MAPK4: variants seen among roughly 807,000 people sequenced by gnomAD.
The protein encoded by MAPK4 is Erk3-related.
In MAPK4, 22 loss-of-function variants were observed where a neutral mutation model predicts 47.7. That is an observed-to-expected ratio of 0.46 (90% CI 0.33 to 0.66). The LOEUF (loss-of-function observed/expected upper bound fraction) is 0.66, where lower values mean the gene tolerates loss of function less well. MAPK4 is among the 30% of genes least tolerant of loss of function. MAPK4 has a pLI of 0.02. For synonymous variants in MAPK4, 390 were observed against 365.7 expected (o/e 1.07, Z -0.76); for missense variants, 736 against 831.7 (o/e 0.88, Z 1.42).
At chr18:50,619,544 G>A (rs1376708333) in intron 1 of MAPK4, among the ~76,000 whole-genome samples, 2 of 151,788 alleles carry the variant, frequency 1.3e-5, no homozygotes, top group Non-Finnish European at 2.9e-5. Context: ...GCCCAGGCTG[G>A]TCTCAAACTC....
chr18:50,646,833 G>A (rs2042994150), intron 1 of MAPK4, among the ~76,000 whole-genome samples: 2 of 152,120 alleles, frequency 1.3e-5, no homozygotes, highest in Admixed American at 1.3e-4. Flanking sequence ...GTCATGGTAT[G>A]GACCCTTGCC....
chr18:50,707,175 A>G (rs1021353917), intron 2 of MAPK4, among the ~76,000 whole-genome samples: 3 of 152,184 alleles, frequency 2.0e-5, no homozygotes, highest in Admixed American at 6.5e-5. Flanking sequence ...CATCAAACCC[A>G]TACAGATAGA....
intron 1 of MAPK4, among the ~76,000 whole-genome samples, chr18:50,611,232 A>G (rs546037841): frequency 6.6e-6 from 1 of 152,360 alleles, no homozygotes; most frequent in Admixed American, 6.5e-5. Flanking sequence ...GTTTCTTACC[A>G]ACCTCCAATA....
chr18:50,598,393 C>A (rs17742008), intron 1 of MAPK4, among the ~76,000 whole-genome samples: 32,758 of 152,078 alleles, frequency 0.22, 3,520 homozygotes, highest in South Asian at 0.29. Context: ...CTTGTCCCTG[C>A]CTTTTCACAC....
intron 1 of MAPK4, among the ~76,000 whole-genome samples, chr18:50,646,987 G>A (rs1175528956): frequency 6.6e-6 from 1 of 152,166 alleles, no homozygotes; most frequent in Non-Finnish European, 1.5e-5. Context: ...GTGATCATCT[G>A]CAGTCACAAT....
chr18:50,676,731 C>T (rs1908294883), intron 2 of MAPK4, among the ~76,000 whole-genome samples: 1 of 152,118 alleles, frequency 6.6e-6, no homozygotes, highest in South Asian at 2.1e-4. Context: ...TATCATTCAT[C>T]CACTAAATAG....
At chr18:50,691,769 C>T (rs1254555523) in intron 2 of MAPK4, among the ~76,000 whole-genome samples, 6 of 152,158 alleles carry the variant, frequency 3.9e-5, no homozygotes, top group Admixed American at 2.0e-4. Context: ...CCCAGTGCAC[C>T]TTTGTCAAGG....
intron 2 of MAPK4, among the ~76,000 whole-genome samples, chr18:50,714,641 G>C (rs1910542345): frequency 1.3e-5 from 2 of 152,174 alleles, no homozygotes; most frequent in Admixed American, 1.3e-4. Flanking sequence ...TTGAGTTCAA[G>C]CATATGGCTA....
At chr18:50,623,786 A>G (rs1415912189) in intron 1 of MAPK4, among the ~76,000 whole-genome samples, 2 of 152,218 alleles carry the variant, frequency 1.3e-5, no homozygotes, top group East Asian at 3.9e-4. Context: ...AAAACCTCTT[A>G]CCGTTTTAAC....
intron 2 of MAPK4, among the ~76,000 whole-genome samples, chr18:50,692,330 A>G (rs1394678554): frequency 6.6e-6 from 1 of 152,182 alleles, no homozygotes; most frequent in Non-Finnish European, 1.5e-5. Context: ...CAAATGATGC[A>G]TATGAGATCT....
At chr18:50,612,938 C>T (rs1465410570) in intron 1 of MAPK4, among the ~76,000 whole-genome samples, 7 of 152,080 alleles carry the variant, frequency 4.6e-5, no homozygotes, top group East Asian at 1.9e-4. Flanking sequence ...ACCTTGTAGC[C>T]GGAGAAACAT....
At chr18:50,690,268 G>C (rs767554178) in intron 2 of MAPK4, among the ~76,000 whole-genome samples, 8 of 152,368 alleles carry the variant, frequency 5.3e-5, no homozygotes, top group Non-Finnish European at 1.0e-4. Flanking sequence ...GCTGCACTCT[G>C]TATTTTAATG....
intron 2 of MAPK4, among the ~76,000 whole-genome samples, chr18:50,671,052 C>T (rs1907920383): frequency 6.6e-6 from 1 of 152,224 alleles, no homozygotes; most frequent in South Asian, 2.1e-4. Flanking sequence ...TCTCAAACTT[C>T]AGCACAATGA....
At chr18:50,594,376 AGCT>A (rs1030347523) in intron 1 of MAPK4, among the ~76,000 whole-genome samples, 1 of 152,136 alleles carries the variant, frequency 6.6e-6, no homozygotes, top group African/African-American at 2.4e-5. Flanking sequence ...TAACCATCAC[AGCT>A]GCAGTAATAA....
chr18:50,584,611 C>T (rs2149364240), intron 1 of MAPK4, among the ~76,000 whole-genome samples: 1 of 152,336 alleles, frequency 6.6e-6, no homozygotes, highest in Admixed American at 6.5e-5. Flanking sequence ...AGTGTTTGTC[C>T]TTGTGGCACA....
chr18:50,729,916 C>T lies in MAPK4; in HGVS notation c.*62C>T. 2 of 1,459,034 alleles carry T rather than the reference C, an allele frequency of 1.4e-6. No homozygotes were observed. Among genetic ancestry groups the T allele is most frequent in the East Asian group, 2.4e-5 (1 of 41,028 alleles). The allele number at this position is 1,459,034 out of a possible 1,614,324, so 90.4% of individuals were successfully genotyped here. ...GACCCCCAGAGAAAGCCGGGGCTGG[C>T]AGGAGGCGGCCGCCCTTCCCGCCCC... On this transcript the variant is annotated 3_prime_UTR_variant, in exon 6 of 6. Coordinates refer to ENST00000400384, the MANE Select transcript of MAPK4 (RefSeq NM_002747.4).
chr18:50,590,232 G>T (rs2042425429), intron 1 of MAPK4, among the ~76,000 whole-genome samples: 1 of 152,194 alleles, frequency 6.6e-6, no homozygotes, highest in African/African-American at 2.4e-5. Context: ...GCTTAATAAT[G>T]GCCTTGGTCA....
chr18:50,615,103 A>T (rs1453847831), intron 1 of MAPK4, among the ~76,000 whole-genome samples: 2 of 152,184 alleles, frequency 1.3e-5, no homozygotes, highest in Non-Finnish European at 2.9e-5. Flanking sequence ...CATTAGTCAC[A>T]TAAGTGGATG....
intron 2 of MAPK4, among the ~76,000 whole-genome samples, chr18:50,686,937 G>A (rs928377673): frequency 3.9e-5 from 6 of 152,146 alleles, no homozygotes; most frequent in African/African-American, 1.2e-4. Flanking sequence ...AGATGGAGAC[G>A]GCCAAGGATT....
Sources: gnomAD v4.1 joint callset for allele counts (sites outside exome capture counted in the v4.1 genomes callset) on GRCh38, gnomAD v4.1.1 for gene constraint, MANE v1.5 for transcripts, NCBI Gene and HGNC (gene_info 2026-07-23, HGNC 2026-07-21) for gene names.